The following PGAP2 variants were observed in gnomAD, a reference collection of about 807,000 sequenced individuals.
PGAP2 encodes the protein post-GPI attachment to proteins 2, also known as acyltransferase PGAP2.
Under a neutral mutation model 33.2 loss-of-function variants are expected in PGAP2, and 21 were observed. The observed-to-expected ratio is 0.63, with a 90% CI of 0.45 to 0.91. The LOEUF is 0.91. Ranked by LOEUF, PGAP2 falls within the 40% of genes least tolerant of loss-of-function variation. The pLI, the probability that PGAP2 is intolerant of heterozygous loss-of-function variation, is 0.00. For missense variants in PGAP2, 345 were observed against 424.0 expected, an observed-to-expected ratio of 0.81 and a Z score of 1.64; for synonymous variants, 161 against 172.9, an observed-to-expected ratio of 0.93 and a Z score of 0.54.
intron 1 of PGAP2, among the ~76,000 whole-genome samples, chr11:3,801,343 T>G (rs10767606): frequency 0.66 from 99,545 of 151,380 alleles, 33,930 homozygotes; most frequent in East Asian, 0.81. Context: ...TTGTTTGCAT[T>G]ATTTAAAAAT....
chr11:3,817,554 G>A lies in PGAP2; in HGVS notation c.348+19G>A. ...CTGTGGGGTGAGTGCCAGCTCCCCA[G>A]CCCCTGGGTCAGGGCCAGGTCAGGA... On this transcript the variant is annotated intron_variant, in intron 3 of 6. Coordinates refer to ENST00000278243, the MANE Select transcript of PGAP2 (RefSeq NM_014489.4). 6.2e-7 allele frequency: 1 copy of A among 1,610,406 alleles called. No homozygotes were observed.
At chr11:3,822,360 T>C (rs951535917) in intron 3 of PGAP2, among the ~76,000 whole-genome samples, 2 of 149,558 alleles carry the variant, frequency 1.3e-5, no homozygotes, top group African/African-American at 2.4e-5. Context: ...TGAGACTCCG[T>C]CTCAAAAAGA....
chr11:3,818,059 A>AAAC (rs1554933420), intron 3 of PGAP2: 15 of 234,624 alleles, frequency 6.4e-5, no homozygotes, highest in South Asian at 1.6e-4. Context: ...AAACAAAACA[A>AAAC]AATAAAAAAA....
At chr11:3,808,412 C>T, upstream of PGAP2, 1 of 1,545,366 alleles carries the variant, frequency 6.5e-7, no homozygotes, top group Non-Finnish European at 8.7e-7. Flanking sequence ...GGGGCAGACC[C>T]GGGCTGTAAA....
intron 5 of PGAP2, chr11:3,824,673 G>C (rs1349760981): frequency 3.9e-6 from 3 of 764,030 alleles, no homozygotes; most frequent in Non-Finnish European, 6.1e-6. Context: ...AACAGTGTCA[G>C]AGGACTGGTC....
chr11:3,822,112 T>C (rs9665957), intron 3 of PGAP2, among the ~76,000 whole-genome samples: 11,842 of 151,314 alleles, frequency 0.078, 1,506 homozygotes, highest in African/African-American at 0.27. Context: ...CGTCTGTAAT[T>C]CCAGCACTTT....
chr11:3,814,607 CT>C (rs2086346697), intron 2 of PGAP2, among the ~76,000 whole-genome samples: 1 of 151,022 alleles, frequency 6.6e-6, no homozygotes, highest in African/African-American at 2.4e-5. Flanking sequence ...GAGATAGTTT[CT>C]CACTATGTTG....
chr11:3,815,280 A>G (rs543466465), intron 2 of PGAP2, among the ~76,000 whole-genome samples: 5 of 142,906 alleles, frequency 3.5e-5, no homozygotes, highest in Admixed American at 2.7e-4. Flanking sequence ...ACAAGAAGAC[A>G]GTAATGAGGG....
chr11:3,825,058 C>T lies in PGAP2; in HGVS notation c.747C>T (p.Ile249=), dbSNP rs1395762983. 1 of 1,614,216 alleles carries T rather than the reference C, an allele frequency of 6.2e-7. No homozygotes were observed. The highest frequency in any genetic ancestry group is 8.5e-7 in the Non-Finnish European group (1 of 1,180,038). The part of the protein sequence containing the change: ...KSYSWKQRLF[I]INFISFFSAL... Reference sequence around the variant, plus strand: ...ACAGCTGGAAACAGCGGCTCTTCATCATCAACTTCATCTCCTTCTTCTCGG... The same window carrying T: ...ACAGCTGGAAACAGCGGCTCTTCATTATCAACTTCATCTCCTTCTTCTCGG... The change falls in exon 6 of 7, where the codon ATC becomes ATT. Residue 249 remains isoleucine (I), a synonymous_variant. Coordinates refer to ENST00000278243, the MANE Select transcript of PGAP2 (RefSeq NM_014489.4).
At chr11:3,817,575 C>A (rs1194406308) in intron 3 of PGAP2, 40 bp downstream of exon 3, 3 of 1,517,382 alleles carry the variant, frequency 2.0e-6, no homozygotes, top group Non-Finnish European at 9.2e-7. Flanking sequence ...AGGGCCAGGT[C>A]AGGAGGTGGC....
At chr11:3,805,107 G>A (rs1266089931), upstream of PGAP2, among the ~76,000 whole-genome samples, 8 of 152,178 alleles carry the variant, frequency 5.3e-5, no homozygotes, top group Admixed American at 4.6e-4. Context: ...GTCGGTGACA[G>A]CCAAGGTCAG....
rs778291787 is a variant in PGAP2, at chr11:3,817,381, C to T, written c.194C>T (p.Ala65Val). 2 of 1,613,426 alleles carry T rather than the reference C, an allele frequency of 1.2e-6. No homozygotes were observed. The highest frequency in any genetic ancestry group is 1.3e-5 in the African/African-American group (1 of 75,058). ...GATPCRMFSA[A>V]SQPLDPDGTL... ...ACGCCCTGCAGGATGTTCTCTGCGG[C>T]CTCCCAGCCTTTGGACCCCGATGGG... The change falls in exon 3 of 7, where the codon GCC becomes GTC. Residue 65 changes from alanine to valine, a missense_variant. Ala to Val is a moderately conservative substitution (Grantham distance 64). This residue lies in a region of PGAP2 where 311 missense variants were observed against 353.6 expected (regional missense o/e 0.88). Transcript: ENST00000278243.
chr11:3,818,291 C>G (rs965154634), intron 3 of PGAP2, among the ~76,000 whole-genome samples: 2 of 146,456 alleles, frequency 1.4e-5, no homozygotes, highest in African/African-American at 5.1e-5. Context: ...TGCTTGAACC[C>G]GGGAGGCAGA....
chr11:3,799,864 G>T (rs2083203156), intron 1 of PGAP2, among the ~76,000 whole-genome samples: 1 of 152,186 alleles, frequency 6.6e-6, no homozygotes, highest in Non-Finnish European at 1.5e-5. Context: ...CTACTAGGGA[G>T]GCTGAAGTAG....
chr11:3,819,901 C>T (rs951807738), intron 3 of PGAP2, among the ~76,000 whole-genome samples: 12 of 151,964 alleles, frequency 7.9e-5, no homozygotes, highest in African/African-American at 2.9e-4. Flanking sequence ...TCTTAGAATC[C>T]CACCCCCATC....
chr11:3,825,480 G>A lies in PGAP2; in HGVS notation c.*22G>A. On this transcript the variant is annotated 3_prime_UTR_variant, in exon 7 of 7. Coordinates refer to ENST00000278243, the MANE Select transcript of PGAP2 (RefSeq NM_014489.4). ...CTGAACCCTTCAGTCCTGCTTGGGA[G>A]GACGCAGCCCACTGCCCAGAAACAA... The A allele has an allele frequency of 6.2e-6, 10 of 1,608,874 alleles. No homozygotes were observed. The highest frequency in any genetic ancestry group is 8.5e-6 in the Non-Finnish European group (10 of 1,178,250).
At chr11:3,809,935 T>C (rs2085203020) in intron 1 of PGAP2, among the ~76,000 whole-genome samples, 1 of 152,140 alleles carries the variant, frequency 6.6e-6, no homozygotes. Flanking sequence ...TTTTTGAGGG[T>C]GGGACTAAAG....
upstream of PGAP2, among the ~76,000 whole-genome samples, chr11:3,804,987 C>G (rs35630643): frequency 4.2e-3 from 638 of 152,346 alleles, 6 homozygotes; most frequent in Non-Finnish European, 7.2e-3. Context: ...CAGGCGTGAG[C>G]CACCGCACCC....
intron 1 of PGAP2, among the ~76,000 whole-genome samples, chr11:3,809,400 T>C (rs146178217): frequency 1.4e-4 from 22 of 152,342 alleles, no homozygotes; most frequent in African/African-American, 5.1e-4. Flanking sequence ...TCTAGAGTGC[T>C]TAAGTGGCTT....
Sources: gnomAD v4.1 joint callset for allele counts (sites outside exome capture counted in the v4.1 genomes callset) on GRCh38, gnomAD v4.1.1 for gene constraint, gnomAD v4.1.1 regional missense constraint, MANE v1.5 for transcripts, NCBI Gene and HGNC (gene_info 2026-07-23, HGNC 2026-07-21) for gene names.